Variants in SH2B3 observed in about 807,000 individuals in gnomAD.
SH2B3 encodes the protein SH2B adapter protein 3.
A neutral mutation model predicts 51.9 loss-of-function variants in SH2B3; 43 were observed. The ratio of observed to expected loss-of-function variants is 0.83; its 90% confidence interval spans 0.65 to 1.07. SH2B3 has a LOEUF of 1.07. SH2B3 is among the 50% of genes least tolerant of loss of function. SH2B3 has a pLI of 0.00. For missense variants in SH2B3, 952 were observed against 834.3 expected, an observed-to-expected ratio of 1.14 and a Z score of -1.74; for synonymous variants, 396 against 376.0, an observed-to-expected ratio of 1.05 and a Z score of -0.62.
In SH2B3 at chr12:111,406,613, G is replaced by A. The variant is rs902700252; in HGVS notation, c.-28+336G>A. On this transcript the variant is annotated intron_variant, in intron 1 of 7. Coordinates refer to ENST00000341259, the MANE Select transcript of SH2B3 (RefSeq NM_005475.3). This position sits in a 1 kb window ranked among gnomAD's most constrained non-coding sequence, Gnocchi z 5.7. ...GGCCCTCCCCTCAACTTGTGCCTGG[G>A]GAGGAGCGGTCAGGGGTCACCCATT... Among the ~76,000 whole-genome samples, 7 of 152,216 alleles carry A rather than the reference G, an allele frequency of 4.6e-5. No individual in the cohort carries two copies. Among genetic ancestry groups the A allele is most frequent in the African/African-American group, 1.7e-4 (7 of 41,466 alleles).
Position 111,406,886 on chromosome 12 carries a change from GT to G in SH2B3, c.-28+612del, listed in dbSNP as rs200621222. Among the ~76,000 whole-genome samples the G allele has an allele frequency of 4.8e-3, 724 of 152,326 alleles. 1 individual carries two copies. Among genetic ancestry groups the G allele is most frequent in the Non-Finnish European group, 7.8e-3 (532 of 68,028 alleles). On this transcript the variant is annotated intron_variant, in intron 1 of 7. Coordinates refer to ENST00000341259, the MANE Select transcript of SH2B3 (RefSeq NM_005475.3). The surrounding 1 kb of genome is among the most constrained non-coding windows in gnomAD (Gnocchi z 5.7). ...CCAGGGCTAGGCGTCCCAGAGACAG[GT>G]TTCTGGTATTGATCCTCTCACACCT... is the stretch of plus-strand genomic sequence containing the variant.
intron 2 of SH2B3, among the ~76,000 whole-genome samples, chr12:111,431,439 T>C (rs970627573): frequency 6.6e-6 from 1 of 152,142 alleles, no homozygotes; most frequent in African/African-American, 2.4e-5. Flanking sequence ...TTCCTAATGT[T>C]TTTTATTTTG....
At chr12:111,441,595 A>G (rs534952904) in intron 2 of SH2B3, among the ~76,000 whole-genome samples, 1 of 152,216 alleles carries the variant, frequency 6.6e-6, no homozygotes, top group South Asian at 2.1e-4. Context: ...GAGACGCACC[A>G]CGTTTAAGGA....
chr12:111,416,492 G>GT (rs1871099914), intron 1 of SH2B3, among the ~76,000 whole-genome samples: 2 of 148,674 alleles, frequency 1.3e-5, no homozygotes, highest in South Asian at 4.3e-4. Context: ...TTTTTTTTTT[G>GT]TTTTTTTGTT....
chr12:111,440,872 C>G (rs1873343110), intron 2 of SH2B3, among the ~76,000 whole-genome samples: 1 of 152,208 alleles, frequency 6.6e-6, no homozygotes, highest in African/African-American at 2.4e-5. Context: ...TAAGGCTGAG[C>G]TCCTAAGGCC....
At chr12:111,437,063 T>C (rs1872943439) in intron 2 of SH2B3, among the ~76,000 whole-genome samples, 2 of 152,106 alleles carry the variant, frequency 1.3e-5, no homozygotes, top group Admixed American at 6.6e-5. Context: ...ACACTCACCA[T>C]GTCTGTCTCT....
chr12:111,426,375 T>A (rs1187021639), intron 2 of SH2B3, among the ~76,000 whole-genome samples: 1 of 150,154 alleles, frequency 6.7e-6, no homozygotes, highest in East Asian at 1.9e-4. Context: ...TGGTTCCGTT[T>A]TTCTTTTATC....
At chr12:111,445,387 G>A (rs1199951275) in intron 2 of SH2B3, among the ~76,000 whole-genome samples, 1 of 152,180 alleles carries the variant, frequency 6.6e-6, no homozygotes, top group East Asian at 1.9e-4. Flanking sequence ...GAGCGCAGAG[G>A]CCCCACTCCC....
intron 2 of SH2B3, among the ~76,000 whole-genome samples, chr12:111,434,479 T>C (rs1311081690): frequency 6.6e-6 from 1 of 152,250 alleles, no homozygotes; most frequent in African/African-American, 2.4e-5. Flanking sequence ...TTGTGAACAC[T>C]ACACGGCACG....
Position 111,418,540 on chromosome 12 carries a change from C to G in SH2B3, c.395C>G (p.Pro132Arg). Reference protein sequence around the residue: ...EELAPPRPPGPCSFQHFRRSL... With the variant: ...EELAPPRPPGRCSFQHFRRSL... Reference sequence around the variant, plus strand: ...CTGGCCCCGCCGCGGCCGCCCGGGCCCTGCTCCTTCCAGCACTTTCGCCGC... The same window carrying G: ...CTGGCCCCGCCGCGGCCGCCCGGGCGCTGCTCCTTCCAGCACTTTCGCCGC... The change falls in exon 2 of 8, where the codon CCC becomes CGC. Residue 132 changes from proline to arginine, a missense_variant. Transcript: ENST00000341259. This position sits in a 1 kb window ranked among gnomAD's most constrained non-coding sequence, Gnocchi z 6.7. The G allele has an allele frequency of 1.4e-6, 2 of 1,449,736 alleles. No individual in the cohort carries two copies. Among genetic ancestry groups the G allele is most frequent in the Non-Finnish European group, 1.8e-6 (2 of 1,104,760 alleles). The allele number at this position is 1,449,736 out of a possible 1,614,324, so 89.8% of individuals were successfully genotyped here.
intron 1 of SH2B3, among the ~76,000 whole-genome samples, chr12:111,412,548 T>C (rs555890711): frequency 6.6e-6 from 1 of 152,294 alleles, no homozygotes; most frequent in South Asian, 2.1e-4. Flanking sequence ...ATGAGCCCCA[T>C]GCCAAGCACA....
At chr12:111,440,120 A>G (rs752396141) in intron 2 of SH2B3, among the ~76,000 whole-genome samples, 1 of 152,210 alleles carries the variant, frequency 6.6e-6, no homozygotes, top group Non-Finnish European at 1.5e-5. Flanking sequence ...CCCAGGTCCC[A>G]TGTTAAAATG....
At chr12:111,431,389 G>C (rs1872483371) in intron 2 of SH2B3, among the ~76,000 whole-genome samples, 1 of 152,100 alleles carries the variant, frequency 6.6e-6, no homozygotes, top group Admixed American at 6.5e-5. Context: ...ATGTAATCTA[G>C]GAAACTGTCT....
In SH2B3 at chr12:111,418,594, C is replaced by T. The variant is rs769643863; in HGVS notation, c.449C>T (p.Ser150Leu). The T allele has an allele frequency of 3.4e-6, 5 of 1,490,904 alleles. No individual in the cohort carries two copies. The highest frequency in any genetic ancestry group is 2.9e-5 in the East Asian group (1 of 34,002). 92.4% of individuals were successfully genotyped at this position (1,490,904 alleles called of 1,614,324 possible). The stretch of plus-strand genomic sequence containing the variant: ...CTCCGCCACATCTTCCGCCGCCGCT[C>T]GGCCGGGGAGCTGCCAGCGGCCCAC... ...RSLRHIFRRR[S>L]AGELPAAHTA... The change falls in exon 2 of 8, where the codon TCG becomes TTG. Residue 150 changes from serine (S) to leucine (L), a missense_variant. Coordinates refer to ENST00000341259, the MANE Select transcript of SH2B3 (RefSeq NM_005475.3). This position sits in a 1 kb window ranked among gnomAD's most constrained non-coding sequence, Gnocchi z 6.7.
At chr12:111,422,034 C>T (rs1871601917) in intron 2 of SH2B3, among the ~76,000 whole-genome samples, 1 of 152,192 alleles carries the variant, frequency 6.6e-6, no homozygotes, top group Non-Finnish European at 1.5e-5. Flanking sequence ...CCGGGTGGTT[C>T]CACTTCCCCA....
intron 2 of SH2B3, among the ~76,000 whole-genome samples, chr12:111,446,176 C>T (rs1297813964): frequency 6.6e-6 from 1 of 152,346 alleles, no homozygotes; most frequent in South Asian, 2.1e-4. Context: ...GCAGCTGGCT[C>T]CTTGGCTGCA....
At chr12:111,414,512 C>T (rs1395911771) in intron 1 of SH2B3, among the ~76,000 whole-genome samples, 1 of 151,974 alleles carries the variant, frequency 6.6e-6, no homozygotes, top group African/African-American at 2.4e-5. Flanking sequence ...ATAGCTTGAG[C>T]CTGGGAGGTC....
In SH2B3 at chr12:111,431,490, G is replaced by GA. The variant is rs981960880; in HGVS notation, c.732+12624dup. Reference sequence around the variant, plus strand: ...AAGCTCATGGCAGAAACTATTTAAAGAAAAAAAAAAACAGTAACAGAAAAA... The same window carrying GA: ...AAGCTCATGGCAGAAACTATTTAAAGAAAAAAAAAAAACAGTAACAGAAAAA... On this transcript the variant is annotated intron_variant, in intron 2 of 7. Transcript: ENST00000341259. 4.7e-3 allele frequency among the ~76,000 whole-genome samples: 671 copies of GA among 142,732 alleles called. 8 individuals are homozygous for GA. Among genetic ancestry groups the GA allele is most frequent in the African/African-American group, 0.012 (482 of 39,180 alleles). 93.6% of individuals were successfully genotyped at this position (142,732 alleles called of 152,430 possible).
chr12:111,432,938 G>T (rs1872600990), intron 2 of SH2B3, among the ~76,000 whole-genome samples: 1 of 152,152 alleles, frequency 6.6e-6, no homozygotes, highest in African/African-American at 2.4e-5. Context: ...CCACTTTCTG[G>T]CTGTTATGAA....
Sources: allele counts gnomAD v4.1 joint callset (sites outside exome capture counted in the v4.1 genomes callset), GRCh38; gene constraint gnomAD v4.1.1; non-coding constraint Gnocchi (gnomAD v3.1); transcripts MANE v1.5; gene names NCBI Gene and HGNC (gene_info 2026-07-23, HGNC 2026-07-21).